The following SLTM variants were observed in gnomAD, a reference collection of about 807,000 sequenced individuals.
SLTM encodes the protein SAFB-like transcription modulator.
SLTM carries 43 observed loss-of-function variants against 134.6 expected under a neutral mutation model. That is an observed-to-expected ratio of 0.32 (90% CI 0.25 to 0.41). The LOEUF (loss-of-function observed/expected upper bound fraction) is 0.41. Ranked by LOEUF, SLTM falls within the 10% of genes least tolerant of loss-of-function variation. SLTM has a pLI of 1.00. For missense variants in SLTM, 1,055 were observed against 1,288.8 expected (o/e 0.82, Z 2.78); for synonymous variants, 424 against 432.3 (o/e 0.98, Z 0.24).
intron 2 of SLTM, among the ~76,000 whole-genome samples, chr15:58,927,549 G>A (rs539957364): frequency 2.6e-5 from 4 of 152,292 alleles, no homozygotes; most frequent in Non-Finnish European, 5.9e-5. Context: ...GGGATTACAG[G>A]CGTGAGCCAT....
chr15:58,915,858 T>C (rs559595930), intron 3 of SLTM, among the ~76,000 whole-genome samples: 2 of 152,032 alleles, frequency 1.3e-5, no homozygotes, highest in Admixed American at 1.3e-4. Context: ...AAACAGAATA[T>C]ATGGGGACAT....
chr15:58,932,327 T>C, intron 2 of SLTM, 29 bp downstream of exon 2: 1 of 1,557,808 alleles, frequency 6.4e-7, no homozygotes, highest in Non-Finnish European at 8.9e-7. Flanking sequence ...CAAAATATAT[T>C]TTAAAACATG....
At chr15:58,900,586 G>C (rs1212799091) in intron 6 of SLTM, 1 of 152,454 alleles carries the variant, frequency 6.6e-6, no homozygotes, top group Non-Finnish European at 1.5e-5. Flanking sequence ...GAAAGGCTTC[G>C]GGCATGTGAG....
rs59996812 is a variant in SLTM, at chr15:58,922,377, CAAAAA to C, written c.251-5383_251-5379del. On this transcript the variant is annotated intron_variant, in intron 2 of 20. Coordinates refer to ENST00000380516, the MANE Select transcript of SLTM (RefSeq NM_024755.4). ...GGGTGACAAGAGCAAAACTCTGCCT[CAAAAA>C]AAAAAAAAAAAAAAAAAGCTATAAT... Among the ~76,000 whole-genome samples the C allele has an allele frequency of 6.5e-5, 4 of 61,144 alleles. No homozygotes were observed. The East Asian group carries it at 1.4e-3, about 22-fold the overall frequency. The allele number at this position is 61,144 out of a possible 152,430, so 40.1% of individuals were successfully genotyped here.
chr15:58,888,273 T>G (rs1233036634), intron 17 of SLTM, 112 bp downstream of exon 17: 1 of 849,344 alleles, frequency 1.2e-6, no homozygotes. Context: ...ACCACGTAAA[T>G]TGTTCTGAGC....
intron 2 of SLTM, chr15:58,921,676 A>C (rs1252931979): frequency 3.3e-6 from 1 of 300,870 alleles, no homozygotes; most frequent in Non-Finnish European, 7.1e-6. Context: ...ATGAAATCTC[A>C]CATTAGCTTT....
chr15:58,920,106 C>T (rs1038615687), intron 2 of SLTM, among the ~76,000 whole-genome samples: 1 of 151,452 alleles, frequency 6.6e-6, no homozygotes, highest in Non-Finnish European at 1.5e-5. Context: ...GCTTGAAGCC[C>T]GGAGTTTGAG....
At chr15:58,898,536 G>A (rs367867363) in intron 8 of SLTM, 3 of 303,800 alleles carry the variant, frequency 9.9e-6, no homozygotes, top group South Asian at 8.5e-5. Flanking sequence ...ATTCAACACA[G>A]TCCCTTAGAA....
intron 5 of SLTM, among the ~76,000 whole-genome samples, chr15:58,906,226 AT>A (rs1223095821): frequency 1.3e-5 from 2 of 152,120 alleles, no homozygotes; most frequent in Non-Finnish European, 2.9e-5. Context: ...CTGAAAACAG[AT>A]TTTTTTTCCA....
intron 3 of SLTM, among the ~76,000 whole-genome samples, chr15:58,915,646 C>A (rs2036582456): frequency 5.3e-5 from 8 of 152,092 alleles, no homozygotes; most frequent in Admixed American, 5.2e-4. Flanking sequence ...CAAACAGTTC[C>A]TAAAATTAAC....
chr15:58,885,833 C>A (rs2034138367), intron 19 of SLTM, among the ~76,000 whole-genome samples: 1 of 151,770 alleles, frequency 6.6e-6, no homozygotes, highest in Non-Finnish European at 1.5e-5. Context: ...CACACACACA[C>A]ACACTGTATT....
intron 3 of SLTM, among the ~76,000 whole-genome samples, chr15:58,915,131 C>T (rs2036538233): frequency 6.6e-6 from 1 of 152,036 alleles, no homozygotes; most frequent in Admixed American, 6.6e-5. Context: ...GTGGAGGTTG[C>T]AGCGAGCTGA....
At chr15:58,891,058 T>C (rs1464384567) in intron 14 of SLTM, among the ~76,000 whole-genome samples, 1 of 152,232 alleles carries the variant, frequency 6.6e-6, no homozygotes, top group Admixed American at 6.5e-5. Flanking sequence ...TGAATTGTTA[T>C]TGTATTAGAC....
intron 9 of SLTM, 54 bp downstream of exon 9, chr15:58,897,061 C>A: frequency 9.8e-7 from 1 of 1,015,632 alleles, no homozygotes; most frequent in Non-Finnish European, 1.6e-6. Flanking sequence ...GAATACAATC[C>A]TCATTTCAAA....
Position 58,913,653 on chromosome 15 carries a change from T to A in SLTM, c.359A>T (p.Asn120Ile). The change falls in exon 4 of 21, where the codon AAT (asparagine) becomes ATT (isoleucine). Residue 120 changes from asparagine to isoleucine, a missense_variant. By Grantham distance (149) the Asn-to-Ile change is moderately radical (BLOSUM62 -3). Coordinates refer to ENST00000380516, the MANE Select transcript of SLTM (RefSeq NM_024755.4). ...TTCTTCAGAGTCCTTTAGTTCATCATTTCCATCTTGCTCATGTGCCTCTTG... is the reference window on the plus strand; with the variant it reads ...TTCTTCAGAGTCCTTTAGTTCATCAATTCCATCTTGCTCATGTGCCTCTTG... ...ENQEAHEQDG[N>I]DELKDSEEFG... is the part of the protein sequence containing the mutation. 1 of 1,613,724 alleles carries A rather than the reference T, an allele frequency of 6.2e-7. No individual in the cohort carries two copies. Among genetic ancestry groups the A allele is most frequent in the Non-Finnish European group, 8.5e-7 (1 of 1,179,868 alleles).
intron 2 of SLTM, among the ~76,000 whole-genome samples, chr15:58,918,644 C>T (rs144340409): frequency 2.8e-4 from 43 of 152,242 alleles, no homozygotes; most frequent in Non-Finnish European, 1.8e-4. Flanking sequence ...ACAATGTTGA[C>T]GTTTGCATTT....
chr15:58,922,036 T>C (rs2037086680), intron 2 of SLTM, among the ~76,000 whole-genome samples: 2 of 151,974 alleles, frequency 1.3e-5, no homozygotes, highest in South Asian at 4.1e-4. Flanking sequence ...TTTCTTATTT[T>C]GTGAAAAAAC....
chr15:58,922,391 A>AAAAC (rs2037122585), intron 2 of SLTM, among the ~76,000 whole-genome samples: 1 of 146,654 alleles, frequency 6.8e-6, no homozygotes, highest in African/African-American at 2.5e-5. Context: ...AAAAAAAAAA[A>AAAAC]AAAAAAAAGC....
chr15:58,888,015 G>A (rs1243898693), intron 17 of SLTM, among the ~76,000 whole-genome samples: 1 of 152,124 alleles, frequency 6.6e-6, no homozygotes, highest in Non-Finnish European at 1.5e-5. Flanking sequence ...GCCGGGCATG[G>A]TGGTGGTGCA....
Sources: gnomAD v4.1 joint callset for allele counts (sites outside exome capture counted in the v4.1 genomes callset) on GRCh38, gnomAD v4.1.1 for gene constraint, MANE v1.5 for transcripts, NCBI Gene and HGNC (gene_info 2026-07-23, HGNC 2026-07-21) for gene names.